Variants in EPHA3 observed in about 807,000 individuals in gnomAD.
EPHA3 encodes EPH receptor A3.
EPHA3 carries 42 observed loss-of-function variants against 107.1 expected under a neutral mutation model. That is an observed-to-expected ratio of 0.39 (90% CI 0.31 to 0.51). The LOEUF (loss-of-function observed/expected upper bound fraction) is 0.51. Among genes scored for constraint, EPHA3 ranks in the 20% least tolerant of loss-of-function variants. The pLI, the probability that EPHA3 is intolerant of heterozygous loss-of-function variation, is 0.78. For missense variants in EPHA3, 1,183 were observed against 1,211.2 expected, an observed-to-expected ratio of 0.98 and a Z score of 0.35; for synonymous variants, 461 against 424.8, an observed-to-expected ratio of 1.09 and a Z score of -1.05.
At chr3:89,396,981 C>T (rs1053748259) in intron 6 of EPHA3, among the ~76,000 whole-genome samples, 3 of 152,088 alleles carry the variant, frequency 2.0e-5, no homozygotes, top group African/African-American at 7.2e-5. Context: ...TTGTGGCAGC[C>T]GTGAGTCCTC....
chr3:89,240,133 G>A (rs184531870), intron 3 of EPHA3, among the ~76,000 whole-genome samples: 1 of 152,198 alleles, frequency 6.6e-6, no homozygotes, highest in East Asian at 1.9e-4. Context: ...GACAAAAGCA[G>A]GTCGCATGGT....
At chr3:89,136,101 A>G (rs867584818) in intron 2 of EPHA3, among the ~76,000 whole-genome samples, 10 of 151,986 alleles carry the variant, frequency 6.6e-5, no homozygotes, top group Non-Finnish European at 1.3e-4. Flanking sequence ...TGTGTCAGCA[A>G]TAATCACCTG....
chr3:89,371,169 T>C (rs1040536989), intron 5 of EPHA3, among the ~76,000 whole-genome samples: 2 of 151,746 alleles, frequency 1.3e-5, no homozygotes, highest in Non-Finnish European at 3.0e-5. Flanking sequence ...TATTTGTTTG[T>C]TTGTTTTCAT....
At chr3:89,306,861 T>C (rs1706636383) in intron 3 of EPHA3, among the ~76,000 whole-genome samples, 1 of 152,182 alleles carries the variant, frequency 6.6e-6, no homozygotes, top group Non-Finnish European at 1.5e-5. Flanking sequence ...GTCCTTCGAA[T>C]TGGATATAAT....
intron 9 of EPHA3, among the ~76,000 whole-genome samples, chr3:89,408,942 A>C (rs1233282595): frequency 6.6e-6 from 1 of 152,190 alleles, no homozygotes; most frequent in East Asian, 1.9e-4. Context: ...TGCCTTCTAA[A>C]ATTATTTGCA....
At chr3:89,109,731 A>T (rs925132503) in intron 1 of EPHA3, among the ~76,000 whole-genome samples, 2 of 152,076 alleles carry the variant, frequency 1.3e-5, no homozygotes, top group African/African-American at 4.8e-5. Flanking sequence ...ATAATTATAC[A>T]GACAGGTACA....
At chr3:89,409,933 A>G (rs1284802299) in intron 9 of EPHA3, among the ~76,000 whole-genome samples, 2 of 152,086 alleles carry the variant, frequency 1.3e-5, no homozygotes, top group Non-Finnish European at 2.9e-5. Flanking sequence ...GTGTTTGCAC[A>G]GAATGAGCTG....
intron 15 of EPHA3, among the ~76,000 whole-genome samples, chr3:89,452,413 C>T (rs1710011403): frequency 6.6e-6 from 1 of 152,122 alleles, no homozygotes. Context: ...GAGGTTCTAG[C>T]TCATTGTGGT....
At chr3:89,350,679 G>C (rs2107440780) in intron 5 of EPHA3, among the ~76,000 whole-genome samples, 1 of 151,202 alleles carries the variant, frequency 6.6e-6, no homozygotes, top group South Asian at 2.1e-4. Context: ...TTCCTTTGGA[G>C]GAGGAGAGGC....
At chr3:89,251,935 T>C (rs1213875228) in intron 3 of EPHA3, among the ~76,000 whole-genome samples, 3 of 152,166 alleles carry the variant, frequency 2.0e-5, no homozygotes, top group African/African-American at 7.2e-5. Flanking sequence ...TTAATTGCTG[T>C]ATTTTGTTTT....
intron 5 of EPHA3, among the ~76,000 whole-genome samples, chr3:89,372,375 T>G (rs1708324114): frequency 6.6e-6 from 1 of 151,790 alleles, no homozygotes. Context: ...ACCCTCATAC[T>G]TAGGTTCAAG....
In EPHA3 at chr3:89,429,075, GATT is replaced by G. The variant is rs777463323; in HGVS notation, c.2075-24_2075-22del. The G allele has an allele frequency of 1.8e-5, 26 of 1,454,790 alleles. No homozygotes were observed. In the Admixed American group the frequency reaches 2.2e-4, roughly 12 times the overall value. The allele number at this position is 1,454,790 out of a possible 1,614,324, so 90.1% of individuals were successfully genotyped here. A position where few individuals can be genotyped will look rare whatever the true frequency, so the allele number is the denominator to read the frequency against. ...CATTGTATAATACTTGAACTGTACT[GATT>G]ATTATTTATTATTTACTGTATATCT... On this transcript the variant is annotated intron_variant, in intron 11 of 16. Coordinates refer to ENST00000336596, the MANE Select transcript of EPHA3 (RefSeq NM_005233.6).
At chr3:89,116,845 C>T (rs994523513) in intron 1 of EPHA3, among the ~76,000 whole-genome samples, 2 of 151,904 alleles carry the variant, frequency 1.3e-5, no homozygotes, top group Non-Finnish European at 2.9e-5. Context: ...CCCCTTACTT[C>T]CAGAGAATTC....
intron 1 of EPHA3, among the ~76,000 whole-genome samples, chr3:89,115,949 C>T (rs1707244563): frequency 6.6e-6 from 1 of 152,236 alleles, no homozygotes; most frequent in Non-Finnish European, 1.5e-5. Flanking sequence ...TCTGACTTTG[C>T]AAGGATAATT....
intron 15 of EPHA3, among the ~76,000 whole-genome samples, chr3:89,454,056 G>A (rs56112245): frequency 0.034 from 5,241 of 151,954 alleles, 323 homozygotes; most frequent in African/African-American, 0.12. Context: ...TTATCACCAG[G>A]GGAACCTATT....
intron 13 of EPHA3, among the ~76,000 whole-genome samples, chr3:89,434,247 T>C (rs1035735166): frequency 5.9e-5 from 9 of 152,184 alleles, no homozygotes; most frequent in African/African-American, 2.2e-4. Flanking sequence ...AGACAGAGCC[T>C]CACGTTGTCT....
At chr3:89,237,335 C>T (rs1281895929) in intron 3 of EPHA3, among the ~76,000 whole-genome samples, 1 of 152,210 alleles carries the variant, frequency 6.6e-6, no homozygotes, top group Non-Finnish European at 1.5e-5. Context: ...GGTGCCACTG[C>T]ACCTCAGCCT....
intron 2 of EPHA3, among the ~76,000 whole-genome samples, chr3:89,150,981 AAAG>A: frequency 6.6e-6 from 1 of 152,138 alleles, no homozygotes; most frequent in East Asian, 1.9e-4. Context: ...TGTCTATAAA[AAAG>A]AAGACAATAC....
chr3:89,255,796 G>A (rs1002390789), intron 3 of EPHA3, among the ~76,000 whole-genome samples: 1 of 152,104 alleles, frequency 6.6e-6, no homozygotes, highest in Non-Finnish European at 1.5e-5. Context: ...AGCTACTTAG[G>A]AGGCTAAGAT....
Sources: allele counts gnomAD v4.1 joint callset (sites outside exome capture counted in the v4.1 genomes callset), GRCh38; gene constraint gnomAD v4.1.1; transcripts MANE v1.5; gene names NCBI Gene and HGNC (gene_info 2026-07-23, HGNC 2026-07-21).